The following PADI2 variants were observed in gnomAD, a reference collection of about 807,000 sequenced individuals.
PADI2 encodes peptidyl arginine deiminase 2, also known as protein-arginine deiminase type-2.
In PADI2, 70 loss-of-function variants were observed where a neutral mutation model predicts 81.1. The ratio of observed to expected loss-of-function variants is 0.86; its 90% CI spans 0.71 to 1.05. PADI2 has a LOEUF of 1.05. Among genes scored for constraint, PADI2 ranks in the 50% least tolerant of loss-of-function variants. The pLI is 0.00. For missense variants in PADI2, 853 were observed against 889.9 expected, an observed-to-expected ratio of 0.96 and a Z score of 0.53; for synonymous variants, 338 against 358.0, an observed-to-expected ratio of 0.94 and a Z score of 0.63.
At chr1:17,073,155 C>T (rs928491355) in intron 13 of PADI2, among the ~76,000 whole-genome samples, 2 of 152,142 alleles carry the variant, frequency 1.3e-5, no homozygotes, top group Non-Finnish European at 2.9e-5. Context: ...TGGTGGCTCA[C>T]GCCTGTAATC....
intron 1 of PADI2, among the ~76,000 whole-genome samples, chr1:17,106,046 A>G (rs548744572): frequency 2.0e-4 from 31 of 152,238 alleles, no homozygotes; most frequent in Admixed American, 5.9e-4. Context: ...AGGGTCGCTG[A>G]GTAAAGTGCT....
chr1:17,074,471 G>A (rs2295055), intron 13 of PADI2, among the ~76,000 whole-genome samples: 91,022 of 151,526 alleles, frequency 0.6, 27,714 homozygotes, highest in Middle Eastern at 0.71. Flanking sequence ...CTGGACTCAA[G>A]TGATCCTCTT....
At chr1:17,074,392 C>CA (rs71006417) in intron 13 of PADI2, among the ~76,000 whole-genome samples, 1,601 of 142,352 alleles carry the variant, frequency 0.011, 31 homozygotes, top group African/African-American at 0.036. Context: ...AACTCTGTCT[C>CA]AAAAAAAAAA....
Position 17,104,867 on chromosome 1 carries a change from C to G in PADI2, c.276+11G>C. 2.6e-6 allele frequency: 4 copies of G among 1,554,530 alleles called. No homozygotes were observed. The South Asian group carries it at 4.6e-5, about 18-fold the overall frequency. ...CCGGGCCCGCAGAGGCTGGACTTCC[C>G]GCCGTGGTACCTTGTCACTGCTGGC... On this transcript the variant is annotated intron_variant, in intron 2 of 15. Coordinates refer to ENST00000375486, the MANE Select transcript of PADI2 (RefSeq NM_007365.3).
chr1:17,082,506 G>T, intron 10 of PADI2, 39 bp downstream of exon 10: 1 of 1,292,466 alleles, frequency 7.7e-7, no homozygotes, highest in Non-Finnish European at 1.1e-6. Context: ...AGAATCTCCA[G>T]GATCATGCTC....
intron 3 of PADI2, among the ~76,000 whole-genome samples, chr1:17,097,836 G>A (rs1401681191): frequency 1.1e-4 from 16 of 152,140 alleles, no homozygotes; most frequent in Admixed American, 1.0e-3. Context: ...TTTCCAGCCG[G>A]TCACGTCCAC....
Position 17,093,634 on chromosome 1 carries a change from G to A in PADI2, c.462C>T (p.Asn154=). 1 of 1,614,086 alleles carries A rather than the reference G, an allele frequency of 6.2e-7. No homozygotes were observed. Among genetic ancestry groups the A allele is most frequent in the South Asian group, 1.1e-5 (1 of 91,066 alleles). ...PEGQGAILLV[N]CDRETPWLPK... is the part of the protein sequence containing the mutation. ...GCAACCAGGGTGTCTCTCGGTCACA[G>A]TTCACCAGCAGGATGGCCCCCTGGC... Residue 154 remains asparagine, a synonymous_variant, in exon 5 of 16, where the codon AAC becomes AAT. Transcript: ENST00000375486.
chr1:17,092,429 C>T lies in PADI2; in HGVS notation c.634G>A (p.Val212Met), dbSNP rs1478990621. 1.2e-6 allele frequency: 2 copies of T among 1,607,804 alleles called. No individual in the cohort carries two copies. Among genetic ancestry groups the T allele is most frequent in the South Asian group, 2.2e-5 (2 of 90,462 alleles). ...LYISMSDSDK[V>M]GVFYVENPFF... Reference sequence around the variant, plus strand: ...TCACTCTCCACGTAGAACACGCCCACTTTGTCTGAGTCTGACATGGAAATG... The same window carrying T: ...TCACTCTCCACGTAGAACACGCCCATTTTGTCTGAGTCTGACATGGAAATG... Residue 212 changes from valine to methionine, a missense_variant, in exon 6 of 16, where the codon GTG becomes ATG. By Grantham distance (21) the Val-to-Met change is conservative. Transcript: ENST00000375486.
chr1:17,083,690 G>T, intron 9 of PADI2, 36 bp downstream of exon 9: 4 of 1,305,056 alleles, frequency 3.1e-6, no homozygotes, highest in South Asian at 1.2e-5. Context: ...TGACCCGGGG[G>T]CCATGTCCTT....
rs543525116 is a variant in PADI2, at chr1:17,092,398, G to T, written c.655+10C>A. On this transcript the variant is annotated intron_variant, in intron 6 of 15. Coordinates refer to ENST00000375486, the MANE Select transcript of PADI2 (RefSeq NM_007365.3). ...AAAGGTCTAGGCTGGACTGGGCTGG[G>T]ATCACTCACTCTCCACGTAGAACAC... 76 of 1,597,446 alleles carry T rather than the reference G, an allele frequency of 4.8e-5. No homozygotes were observed. In the South Asian group the frequency reaches 8.1e-4, roughly 17 times the overall value.
chr1:17,104,347 A>T (rs1931266383), intron 2 of PADI2, among the ~76,000 whole-genome samples: 1 of 151,636 alleles, frequency 6.6e-6, no homozygotes, highest in South Asian at 2.1e-4. Context: ...TATTGATAGC[A>T]TGTCAAAATG....
intron 6 of PADI2, among the ~76,000 whole-genome samples, chr1:17,091,517 C>T (rs1044400134): frequency 1.3e-5 from 2 of 152,116 alleles, no homozygotes; most frequent in South Asian, 2.1e-4. Context: ...CCTTGACTCC[C>T]AGCCCTGCTC....
At chr1:17,093,502 C>T (rs1930783486) in intron 5 of PADI2, 65 bp downstream of exon 5, 1 of 1,094,392 alleles carries the variant, frequency 9.1e-7, no homozygotes, top group Non-Finnish European at 1.4e-6. Flanking sequence ...CAGCCCAGCC[C>T]AGGACTGGGC....
rs374250961 is a variant in PADI2 at position 17,069,559 on chromosome 1, G to A, written c.1765-282C>T. On this transcript the variant is annotated intron_variant, in intron 15 of 15. Transcript: ENST00000375486. ...TGCATCAGTGTGTACATGTACATGT[G>A]TATGAATGTGCACACACGTATGGGT... Among the ~76,000 whole-genome samples the A allele has an allele frequency of 1.1e-4, 16 of 152,330 alleles. No individual in the cohort carries two copies. The South Asian group carries it at 2.9e-3, about 28-fold the overall frequency.
rs183098209 is a variant in PADI2, at chr1:17,107,448, T to G, written c.93-2387A>C. On this transcript the variant is annotated intron_variant, in intron 1 of 15. Transcript: ENST00000375486. ...CGGCTGTCAAAGTGCAGCAGCAGTGTCTGGGGCGGCGGCACCTGGAGGTCT... is the reference window on the plus strand; with the variant it reads ...CGGCTGTCAAAGTGCAGCAGCAGTGGCTGGGGCGGCGGCACCTGGAGGTCT... Among the ~76,000 whole-genome samples, 154 of 152,288 alleles carry G rather than the reference T, an allele frequency of 1.0e-3. 1 individual carries two copies. The highest frequency in any genetic ancestry group is 3.7e-3 in the African/African-American group (152 of 41,560).
rs867264648 is a variant in PADI2 at position 17,067,801 on chromosome 1, C to A, written c.*1243G>T. The A allele has an allele frequency of 3.3e-5, 5 of 152,194 alleles. No individual in the cohort carries two copies. Among genetic ancestry groups the A allele is most frequent in the Admixed American group, 2.0e-4 (3 of 15,288 alleles). The allele number at this position is 152,194 out of a possible 1,614,324, so 9.4% of individuals were successfully genotyped here. Reference sequence around the variant, plus strand: ...CCAAGAATATAAATTACATTATAACCTTTTCATTGGTTATAAATCGGTTCT... The same window carrying A: ...CCAAGAATATAAATTACATTATAACATTTTCATTGGTTATAAATCGGTTCT... On this transcript the variant is annotated 3_prime_UTR_variant, in exon 16 of 16. Coordinates refer to ENST00000375486, the MANE Select transcript of PADI2 (RefSeq NM_007365.3).
At chr1:17,081,195 G>A (rs942608179) in intron 10 of PADI2, among the ~76,000 whole-genome samples, 2 of 152,240 alleles carry the variant, frequency 1.3e-5, no homozygotes, top group Non-Finnish European at 2.9e-5. Flanking sequence ...GTTAGGGAAA[G>A]TGGACAATAA....
intron 7 of PADI2, among the ~76,000 whole-genome samples, chr1:17,085,210 C>T (rs547477971): frequency 6.6e-6 from 1 of 152,290 alleles, no homozygotes; most frequent in South Asian, 2.1e-4. Flanking sequence ...TATGTCCAGA[C>T]TGTTTTGTTT....
intron 13 of PADI2, among the ~76,000 whole-genome samples, chr1:17,072,585 C>G (rs1294307044): frequency 1.3e-5 from 2 of 152,312 alleles, no homozygotes; most frequent in East Asian, 1.9e-4. Context: ...TGCTTCTACT[C>G]TCTGCTGACT....
Sources: gnomAD v4.1 joint callset for allele counts (sites outside exome capture counted in the v4.1 genomes callset) on GRCh38, gnomAD v4.1.1 for gene constraint, MANE v1.5 for transcripts, NCBI Gene and HGNC (gene_info 2026-07-23, HGNC 2026-07-21) for gene names.